The following CDH3 variants were observed in gnomAD, a reference collection of about 807,000 sequenced individuals.
The protein encoded by CDH3 is cadherin-3.
In CDH3, 54 loss-of-function variants were observed where a neutral mutation model predicts 82.0. That is an observed-to-expected ratio of 0.66 (90% CI 0.53 to 0.83). The LOEUF is 0.83. Ranked by LOEUF, CDH3 falls within the 40% of genes least tolerant of loss-of-function variation. The pLI, the probability that CDH3 is intolerant of heterozygous loss-of-function variation, is 0.00. For missense variants in CDH3, 1,054 were observed against 1,084.6 expected, an observed-to-expected ratio of 0.97 and a Z score of 0.40; for synonymous variants, 446 against 437.9, an observed-to-expected ratio of 1.02 and a Z score of -0.23.
chr16:68,664,293 T>C (rs1387494799), intron 2 of CDH3, among the ~76,000 whole-genome samples: 1 of 152,188 alleles, frequency 6.6e-6, no homozygotes. Flanking sequence ...AGATACTGAA[T>C]AGACAGATAT....
chr16:68,712,738 G>C (rs995126755), intron 1 of CDH3, among the ~76,000 whole-genome samples: 6 of 151,840 alleles, frequency 4.0e-5, no homozygotes, highest in Non-Finnish European at 8.8e-5. Flanking sequence ...CTGGAGTGCA[G>C]TGGCTCGATC....
chr16:68,687,771 C>G (rs1184501386), intron 12 of CDH3, 35 bp downstream of exon 12: 2 of 1,475,956 alleles, frequency 1.4e-6, no homozygotes, highest in Non-Finnish European at 1.9e-6. Flanking sequence ...GGTGGGGTGC[C>G]AGCCCCACTG....
downstream of CDH3, among the ~76,000 whole-genome samples, chr16:68,700,487 C>T (rs1056979451): frequency 6.6e-6 from 1 of 152,200 alleles, no homozygotes; most frequent in African/African-American, 2.4e-5. Context: ...AAGCCTCAGA[C>T]TTTGGATGGA....
At chr16:68,647,889 T>G (rs11075692) in intron 2 of CDH3, among the ~76,000 whole-genome samples, 51,831 of 151,904 alleles carry the variant, frequency 0.34, 9,704 homozygotes, top group East Asian at 0.54. Flanking sequence ...CAGACAAGTT[T>G]CCATATTGCT....
At chr16:68,727,390 C>G (rs1185891205) in exon 3 of CDH3, among the ~76,000 whole-genome samples, 1 of 152,208 alleles carries the variant, frequency 6.6e-6, no homozygotes, top group Non-Finnish European at 1.5e-5. Context: ...CCCCTCTCAT[C>G]TCTCTCTGTA....
At chr16:68,723,921 T>G (rs571539219) in intron 2 of CDH3, among the ~76,000 whole-genome samples, 26 of 151,992 alleles carry the variant, frequency 1.7e-4, no homozygotes, top group Non-Finnish European at 3.7e-4. Flanking sequence ...TACAAAAAAT[T>G]AGCCGGGCAT....
In CDH3 at chr16:68,698,405, C is replaced by T; in HGVS notation, c.*5C>T. 6.2e-7 allele frequency: 1 copy of T among 1,613,272 alleles called. No homozygotes were observed. The highest frequency in any genetic ancestry group is 8.5e-7 in the Non-Finnish European group (1 of 1,179,682). On this transcript the variant is annotated 3_prime_UTR_variant, in exon 16 of 16. Transcript: ENST00000264012. ...GGTGGCGGGGAGGACGACTAGGCGG[C>T]CTGCCTGCAGGGCTGGGGACCAAAC...
chr16:68,664,380 A>G (rs527717892), intron 2 of CDH3, among the ~76,000 whole-genome samples: 1 of 152,214 alleles, frequency 6.6e-6, no homozygotes, highest in South Asian at 2.1e-4. Flanking sequence ...AGCCATACCA[A>G]TTTACCTTCT....
chr16:68,681,530 G>A (rs751895926), intron 8 of CDH3, among the ~76,000 whole-genome samples: 1 of 152,136 alleles, frequency 6.6e-6, no homozygotes, highest in Non-Finnish European at 1.5e-5. Context: ...ACGTTAATTA[G>A]GTCTGAATAA....
chr16:68,695,937 G>A lies in CDH3; in HGVS notation c.2280+14G>A. ...TTTATAATTGAGGTGAGGCGTGGCAGGCCAGTCGAGGGCCACCCTTTATTC... is the reference window on the plus strand; with the variant it reads ...TTTATAATTGAGGTGAGGCGTGGCAAGCCAGTCGAGGGCCACCCTTTATTC... On this transcript the variant is annotated intron_variant, in intron 15 of 15. Transcript: ENST00000264012. 1 of 1,613,656 alleles carries A rather than the reference G, an allele frequency of 6.2e-7. No individual in the cohort carries two copies.
downstream of CDH3, among the ~76,000 whole-genome samples, chr16:68,700,820 C>T (rs1229159199): frequency 6.6e-6 from 1 of 152,170 alleles, no homozygotes; most frequent in Non-Finnish European, 1.5e-5. Flanking sequence ...CGCCACTGCA[C>T]TCCAGCCCAG....
chr16:68,727,067 C>T (rs1260708461), intron 2 of CDH3, among the ~76,000 whole-genome samples: 1 of 152,192 alleles, frequency 6.6e-6, no homozygotes, highest in East Asian at 1.9e-4. Flanking sequence ...GGATGGGCAC[C>T]ATTCAGTCTA....
intron 12 of CDH3, among the ~76,000 whole-genome samples, chr16:68,688,464 C>T (rs1361763759): frequency 2.0e-5 from 3 of 151,982 alleles, no homozygotes; most frequent in Admixed American, 1.3e-4. Context: ...GGCATGTGCC[C>T]GTAGTCCCAG....
chr16:68,722,619 A>G (rs1962177108), intron 2 of CDH3: 1 of 152,098 alleles, frequency 6.6e-6, no homozygotes, highest in Non-Finnish European at 1.5e-5. Context: ...TGACTCTGGT[A>G]AGGGAACAAA....
At chr16:68,689,282 C>T (rs1308906662) in intron 12 of CDH3, among the ~76,000 whole-genome samples, 7 of 151,964 alleles carry the variant, frequency 4.6e-5, no homozygotes, top group Non-Finnish European at 1.0e-4. Context: ...GCCTGTAATC[C>T]CAGCACTTTA....
chr16:68,651,125 G>A, intron 2 of CDH3: 1 of 446,030 alleles, frequency 2.2e-6, no homozygotes, highest in South Asian at 1.8e-5. Flanking sequence ...TTGGCCACTG[G>A]GCCTTGTGGG....
rs1961183316 is a variant in CDH3, at chr16:68,680,329, ACTGGATTTGCTGC to A, written c.867+359_867+371del. On this transcript the variant is annotated intron_variant, in intron 7 of 15. Transcript: ENST00000264012. ...ACAAAGTAGAATTAGCTCCATGGATACTGGATTTGCTGCCTGTTTCCTAATTGATACCTTTATC... is the reference window on the plus strand; with the variant it reads ...ACAAAGTAGAATTAGCTCCATGGATACTGTTTCCTAATTGATACCTTTATC... 9.8e-5 allele frequency among the ~76,000 whole-genome samples: 15 copies of A among 152,350 alleles called. No individual in the cohort carries two copies. The South Asian group carries it at 3.1e-3, about 32-fold the overall frequency.
At position 68,695,293 on chromosome 16, in the gene CDH3, C is replaced by G. The variant is rs752908359; in HGVS notation, c.2041C>G (p.Arg681Gly). The change falls in exon 14 of 16, where the codon CGG (arginine) becomes GGG (glycine). Residue 681 changes from arginine to glycine, a missense_variant. Coordinates refer to ENST00000264012, the MANE Select transcript of CDH3 (RefSeq NM_001793.6). ...LVLLLLVRKK[R>G]KIKEPLLLPE... The stretch of plus-strand genomic sequence containing the variant: ...GCTGCTTTTGTTGGTGAGAAAGAAG[C>G]GGAAGATCAAGGAGCCCCTCCTACT... 1 of 1,614,058 alleles carries G rather than the reference C, an allele frequency of 6.2e-7. No individual in the cohort carries two copies. Among genetic ancestry groups the G allele is most frequent in the South Asian group, 1.1e-5 (1 of 91,072 alleles).
intron 11 of CDH3, 72 bp downstream of exon 11, chr16:68,685,422 GT>G: frequency 2.6e-6 from 4 of 1,516,138 alleles, no homozygotes; most frequent in Non-Finnish European, 3.6e-6. Flanking sequence ...AGCACAGCAT[GT>G]TTCCTCCACA....
Sources: gnomAD v4.1 joint callset for allele counts (sites outside exome capture counted in the v4.1 genomes callset) on GRCh38, gnomAD v4.1.1 for gene constraint, MANE v1.5 for transcripts, NCBI Gene and HGNC (gene_info 2026-07-23, HGNC 2026-07-21) for gene names.